The following ANKRD30A variants were observed in gnomAD, a reference collection of about 807,000 sequenced individuals.
The protein encoded by ANKRD30A is ankyrin repeat domain 30A, also known as ankyrin repeat domain-containing protein 30A.
ANKRD30A carries 170 observed loss-of-function variants against 166.3 expected under a neutral mutation model. The observed-to-expected ratio is 1.02, with a 90% CI of 0.90 to 1.16. The LOEUF (loss-of-function observed/expected upper bound fraction) is 1.16. ANKRD30A is among the 50% of genes most tolerant of loss of function. The pLI is 0.00. For missense variants in ANKRD30A, 1,630 were observed against 1,518.0 expected (o/e 1.07, Z -1.23); for synonymous variants, 564 against 508.9 (o/e 1.11, Z -1.46).
chr10:37,238,320 T>A, the ANKRD30A span, among the ~76,000 whole-genome samples: 1 of 152,176 alleles, frequency 6.6e-6, no homozygotes, highest in Non-Finnish European at 1.5e-5. Context: ...CCTTCTACCA[T>A]TTATTTATTT....
intron 15 of ANKRD30A, among the ~76,000 whole-genome samples, chr10:37,159,381 G>GA (rs1263283192): frequency 6.6e-6 from 1 of 152,130 alleles, no homozygotes; most frequent in Non-Finnish European, 1.5e-5. Context: ...AGCCGGTTGT[G>GA]ATGGTGGGTG....
At chr10:37,204,341 G>A (rs1027665776) in intron 31 of ANKRD30A, among the ~76,000 whole-genome samples, 4 of 152,080 alleles carry the variant, frequency 2.6e-5, no homozygotes, top group African/African-American at 9.7e-5. Context: ...GATCTTTGAT[G>A]AACCAGACAA....
At chr10:37,195,704 C>A (rs1362974661) in intron 27 of ANKRD30A, among the ~76,000 whole-genome samples, 1 of 152,172 alleles carries the variant, frequency 6.6e-6, no homozygotes, top group Non-Finnish European at 1.5e-5. Context: ...ACCATCCTGA[C>A]TAACACAGTG....
chr10:37,191,015 C>G (rs1840519576), intron 25 of ANKRD30A, among the ~76,000 whole-genome samples: 1 of 151,778 alleles, frequency 6.6e-6, no homozygotes, highest in African/African-American at 2.4e-5. Context: ...CCATAAAACT[C>G]TGAATTTATG....
chr10:37,209,452 G>A lies in ANKRD30A; in HGVS notation c.2870-6729G>A, dbSNP rs544005215. ...GAGAGAGGTGGGAGGTGCCATGCAT[G>A]TTTAAATGACCAATATTCATGAGGA... is the stretch of plus-strand genomic sequence containing the variant. On this transcript the variant is annotated intron_variant, in intron 31 of 35. Coordinates refer to ENST00000361713, the MANE Select transcript of ANKRD30A (RefSeq NM_052997.3). 2.0e-5 allele frequency among the ~76,000 whole-genome samples: 3 copies of A among 152,198 alleles called. No individual in the cohort carries two copies. In the South Asian group the frequency reaches 6.2e-4, roughly 32 times the overall value.
Position 37,132,404 on chromosome 10 carries a change from C to T in ANKRD30A, c.617+58C>T, listed in dbSNP as rs1340628894. ...TGAGTAGTGTTCTAGAGTAATAACACTCAAGTCAGAAATATTTAATAACAT... is the reference window on the plus strand; with the variant it reads ...TGAGTAGTGTTCTAGAGTAATAACATTCAAGTCAGAAATATTTAATAACAT... On this transcript the variant is annotated intron_variant, in intron 4 of 35. Transcript: ENST00000361713. 4.2e-6 allele frequency: 4 copies of T among 961,808 alleles called. No homozygotes were observed. In the South Asian group the frequency reaches 6.4e-5, roughly 15 times the overall value. 59.6% of individuals were successfully genotyped at this position (961,808 alleles called of 1,614,324 possible).
chr10:37,220,084 A>G (rs1176880250), intron 34 of ANKRD30A, among the ~76,000 whole-genome samples, 187 bp downstream of exon 34: 2 of 146,676 alleles, frequency 1.4e-5, no homozygotes, highest in African/African-American at 5.0e-5. Flanking sequence ...GCTTAGAAAC[A>G]TGCCTCATTT....
chr10:37,212,152 A>T (rs1414041292), intron 31 of ANKRD30A, among the ~76,000 whole-genome samples: 2 of 152,088 alleles, frequency 1.3e-5, no homozygotes, highest in African/African-American at 4.8e-5. Context: ...TCTCAAGCTG[A>T]TAGGCAACCT....
chr10:37,183,074 T>C (rs1280561900), intron 24 of ANKRD30A, among the ~76,000 whole-genome samples: 10 of 149,110 alleles, frequency 6.7e-5, no homozygotes, highest in African/African-American at 2.2e-4. Flanking sequence ...TCCTAGCCAC[T>C]AAAAGTCGAC....
chr10:37,198,786 A>G (rs1051847824), intron 29 of ANKRD30A, among the ~76,000 whole-genome samples: 4 of 152,152 alleles, frequency 2.6e-5, no homozygotes, highest in Admixed American at 6.5e-5. Context: ...TGGATGTCAA[A>G]TGATATACGT....
chr10:37,233,881 G>C (rs377073355), downstream of ANKRD30A, among the ~76,000 whole-genome samples: 28 of 152,022 alleles, frequency 1.8e-4, no homozygotes, highest in East Asian at 5.0e-3. Flanking sequence ...AGACATTTTT[G>C]GCTATAATTC....
intron 6 of ANKRD30A, among the ~76,000 whole-genome samples, chr10:37,141,043 C>T (rs777933159): frequency 3.5e-4 from 54 of 152,252 alleles, no homozygotes; most frequent in Non-Finnish European, 6.2e-4. Flanking sequence ...AGGTACTAAG[C>T]ATCTTCCTTG....
chr10:37,196,110 T>G (rs1397636036), intron 27 of ANKRD30A, among the ~76,000 whole-genome samples: 1 of 149,884 alleles, frequency 6.7e-6, no homozygotes, highest in Non-Finnish European at 1.5e-5. Flanking sequence ...TTTTTTTTTT[T>G]TTGTAGTAGA....
At position 37,141,904 on chromosome 10, in the gene ANKRD30A, C is replaced by T. The variant is rs560930371; in HGVS notation, c.1007C>T (p.Ser336Phe). 2 of 1,614,210 alleles carry T rather than the reference C, an allele frequency of 1.2e-6. No individual in the cohort carries two copies. Among genetic ancestry groups the T allele is most frequent in the Middle Eastern group, 1.7e-4 (1 of 6,060 alleles). Residue 336 changes from serine (S) to phenylalanine (F), a missense_variant, in exon 7 of 36, where the codon TCT (serine) becomes TTT (phenylalanine). By Grantham distance (155) the Ser-to-Phe change is radical. Coordinates refer to ENST00000361713, the MANE Select transcript of ANKRD30A (RefSeq NM_052997.3). Reference sequence around the variant, plus strand: ...GCTGCATCCTTGGTGGAGGGAACATCTGACAAAATTCAATGTTTGGAGAAA... The same window carrying T: ...GCTGCATCCTTGGTGGAGGGAACATTTGACAAAATTCAATGTTTGGAGAAA... ...DEAASLVEGT[S>F]DKIQCLEKAT...
At chr10:37,191,058 T>C (rs1221315026) in intron 25 of ANKRD30A, among the ~76,000 whole-genome samples, 1 of 151,884 alleles carries the variant, frequency 6.6e-6, no homozygotes, top group Non-Finnish European at 1.5e-5. Flanking sequence ...TATTCGTAGG[T>C]ATTTTACTGA....
intron 13 of ANKRD30A, 119 bp downstream of exon 13, chr10:37,153,781 G>T: frequency 1.4e-6 from 2 of 1,380,978 alleles, no homozygotes; most frequent in Non-Finnish European, 2.0e-6. Flanking sequence ...TGGAAAAAAA[G>T]AGAAGTGCAA....
chr10:37,211,435 C>T (rs1842307980), intron 31 of ANKRD30A, among the ~76,000 whole-genome samples: 1 of 152,072 alleles, frequency 6.6e-6, no homozygotes, highest in South Asian at 2.1e-4. Context: ...TTTCCAGCTT[C>T]ATCCATGTCC....
At chr10:37,153,120 A>G (rs369697621) in intron 12 of ANKRD30A, among the ~76,000 whole-genome samples, 1 of 152,264 alleles carries the variant, frequency 6.6e-6, no homozygotes, top group Non-Finnish European at 1.5e-5. Context: ...TCTCTTCATG[A>G]CATGCATCAT....
chr10:37,216,109 T>C, intron 31 of ANKRD30A, 72 bp from the exon 32 acceptor site: 1 of 1,095,108 alleles, frequency 9.1e-7, no homozygotes, highest in Non-Finnish European at 1.3e-6. Context: ...GTATAAGTGA[T>C]TGTTAAAATA....
Sources: gnomAD v4.1 joint callset for allele counts (sites outside exome capture counted in the v4.1 genomes callset) on GRCh38, gnomAD v4.1.1 for gene constraint, MANE v1.5 for transcripts, NCBI Gene and HGNC (gene_info 2026-07-23, HGNC 2026-07-21) for gene names.